The following KPNB1 variants were observed in gnomAD, a reference collection of about 807,000 sequenced individuals.
KPNB1 encodes the protein karyopherin subunit beta 1.
In KPNB1, 7 loss-of-function variants were observed where a neutral mutation model predicts 113.0. The observed-to-expected ratio is 0.06, with a 90% CI of 0.04 to 0.12. The LOEUF (loss-of-function observed/expected upper bound fraction) is 0.12, where lower values mean the gene tolerates loss of function less well. Ranked by LOEUF, KPNB1 falls within the 10% of genes least tolerant of loss-of-function variation. The pLI is 1.00. For synonymous variants in KPNB1, 363 were observed against 378.6 expected, an observed-to-expected ratio of 0.96 and a Z score of 0.48; for missense variants, 400 against 1,054.8, an observed-to-expected ratio of 0.38 and a Z score of 8.60.
At chr17:47,677,861 G>A (rs1452108804) in intron 17 of KPNB1, among the ~76,000 whole-genome samples, 185 bp from the exon 18 acceptor site, 1 of 152,192 alleles carries the variant, frequency 6.6e-6, no homozygotes, top group Non-Finnish European at 1.5e-5. Flanking sequence ...TGTAAAGTGG[G>A]AATACCAATA....
At chr17:47,650,478 G>C (rs566484054) in intron 2 of KPNB1, 34 bp downstream of exon 2, 1 of 1,583,792 alleles carries the variant, frequency 6.3e-7, no homozygotes, top group Admixed American at 1.8e-5. Context: ...ATCCCGCCGC[G>C]TCCCCATCCC....
intron 6 of KPNB1, 89 bp from the exon 7 acceptor site, chr17:47,663,000 C>G: frequency 1.3e-6 from 1 of 781,442 alleles, no homozygotes; most frequent in Non-Finnish European, 2.3e-6. Context: ...TCAATTAATC[C>G]TTAGGATTAT....
chr17:47,676,559 C>T, intron 16 of KPNB1, 68 bp downstream of exon 16: 1 of 1,211,390 alleles, frequency 8.3e-7, no homozygotes, highest in Non-Finnish European at 1.2e-6. Flanking sequence ...GCACGCAAAA[C>T]CAGGTTCTTA....
At chr17:47,680,857 T>C (rs2030750071) in intron 21 of KPNB1, among the ~76,000 whole-genome samples, 188 bp downstream of exon 21, 1 of 152,268 alleles carries the variant, frequency 6.6e-6, no homozygotes, top group African/African-American at 2.4e-5. Context: ...CTCATAGTGA[T>C]GGAGAGCAGA....
At chr17:47,667,946 T>C (rs2030340955) in intron 9 of KPNB1, among the ~76,000 whole-genome samples, 1 of 152,230 alleles carries the variant, frequency 6.6e-6, no homozygotes, top group African/African-American at 2.4e-5. Context: ...TCTTTTTGGA[T>C]GTAGTTGAAA....
At chr17:47,675,485 C>T (rs2030591678) in intron 15 of KPNB1, among the ~76,000 whole-genome samples, 1 of 150,126 alleles carries the variant, frequency 6.7e-6, no homozygotes, top group South Asian at 2.1e-4. Flanking sequence ...AAGCAATTCT[C>T]CTGCCTCAGC....
rs778014153 is a variant in KPNB1, at chr17:47,658,715, A to G, written c.636+55A>G. 3.4e-6 allele frequency: 5 copies of G among 1,484,950 alleles called. No homozygotes were observed. The South Asian group carries it at 6.1e-5, about 18-fold the overall frequency. The allele number at this position is 1,484,950 out of a possible 1,614,324, so 92.0% of individuals were successfully genotyped here. On this transcript the variant is annotated intron_variant, in intron 5 of 21. Coordinates refer to ENST00000290158, the MANE Select transcript of KPNB1 (RefSeq NM_002265.6). The stretch of plus-strand genomic sequence containing the variant: ...CAGACAGTAAGGGATGAAAGAGTTG[A>G]ATGAAAGTTTTTTGTTTTGTTTTCT...
chr17:47,680,457 A>C (rs748442335), intron 20 of KPNB1, 51 bp from the exon 21 acceptor site: 1 of 1,596,290 alleles, frequency 6.3e-7, no homozygotes, highest in Non-Finnish European at 8.5e-7. Context: ...TCAAAACATT[A>C]TACTGGTATG....
chr17:47,675,372 G>GTTTTTTTTTTTTT (rs755565036), intron 15 of KPNB1, among the ~76,000 whole-genome samples: 9 of 86,068 alleles, frequency 1.0e-4, no homozygotes, highest in Non-Finnish European at 1.3e-4. Context: ...TTTTTTTTTT[G>GTTTTTTTTTTTTT]TTTTTTTTTT....
chr17:47,663,033 C>T (rs772091875), intron 6 of KPNB1, 56 bp from the exon 7 acceptor site: 1 of 929,042 alleles, frequency 1.1e-6, no homozygotes, highest in Non-Finnish European at 1.8e-6. Flanking sequence ...GTGAATCTAA[C>T]TTTGTCAGAT....
At chr17:47,660,942 T>A (rs925723601) in intron 5 of KPNB1, among the ~76,000 whole-genome samples, 177 bp from the exon 6 acceptor site, 1 of 152,174 alleles carries the variant, frequency 6.6e-6, no homozygotes, top group Admixed American at 6.5e-5. Flanking sequence ...GAAGGTAAAC[T>A]CTTTATAGCC....
chr17:47,659,955 A>G (rs1256140180), intron 5 of KPNB1, among the ~76,000 whole-genome samples: 1 of 152,038 alleles, frequency 6.6e-6, no homozygotes, highest in East Asian at 1.9e-4. Flanking sequence ...ATATATGTAA[A>G]CATTTTGGCT....
intron 3 of KPNB1, among the ~76,000 whole-genome samples, chr17:47,656,191 G>A (rs753061586): frequency 3.9e-5 from 6 of 152,112 alleles, no homozygotes; most frequent in African/African-American, 7.2e-5. Flanking sequence ...CCCAGAAGGC[G>A]GAGGTTGCAG....
At position 47,650,374 on chromosome 17, in the gene KPNB1, T is replaced by A. The variant is rs778077628; in HGVS notation, c.41-12T>A. On this transcript the variant is annotated splice_polypyrimidine_tract_variant and intron_variant, in intron 1 of 21. Coordinates refer to ENST00000290158, the MANE Select transcript of KPNB1 (RefSeq NM_002265.6). ...TCTGACCCCGCTCCGTCTCCCACTT[T>A]CCTCCCCCTAGATCGGCTGGAGCTG... 3 of 1,611,186 alleles carry A rather than the reference T, an allele frequency of 1.9e-6. No individual in the cohort carries two copies. Among genetic ancestry groups the A allele is most frequent in the African/African-American group, 1.3e-5 (1 of 74,600 alleles).
At chr17:47,650,588 G>A (rs1317493673) in intron 2 of KPNB1, 144 bp downstream of exon 2, 2 of 630,864 alleles carry the variant, frequency 3.2e-6, no homozygotes, top group Non-Finnish European at 4.9e-6. Flanking sequence ...CCCCCAACCC[G>A]GTCCAACCTA....
chr17:47,666,559 TA>T (rs2030290631), intron 9 of KPNB1, among the ~76,000 whole-genome samples: 2 of 144,920 alleles, frequency 1.4e-5, no homozygotes, highest in Non-Finnish European at 3.0e-5. Flanking sequence ...TATATTATGT[TA>T]TATGTTATAT....
intron 5 of KPNB1, among the ~76,000 whole-genome samples, chr17:47,660,889 A>C (rs922817303): frequency 6.6e-6 from 1 of 152,198 alleles, no homozygotes; most frequent in Admixed American, 6.5e-5. Flanking sequence ...GGAGATTAAA[A>C]GATTAGGGAC....
chr17:47,666,778 C>T (rs2030301122), intron 9 of KPNB1, among the ~76,000 whole-genome samples: 1 of 151,718 alleles, frequency 6.6e-6, no homozygotes, highest in South Asian at 2.1e-4. Context: ...ACCACCACGC[C>T]TAGCTAATTT....
intron 2 of KPNB1, 114 bp downstream of exon 2, chr17:47,650,558 C>A (rs577028655): frequency 2.7e-6 from 2 of 754,274 alleles, no homozygotes; most frequent in Non-Finnish European, 2.2e-6. Flanking sequence ...CATCCCGTCC[C>A]CCTCCCCCCT....
Sources: gnomAD v4.1 joint callset for allele counts (sites outside exome capture counted in the v4.1 genomes callset) on GRCh38, gnomAD v4.1.1 for gene constraint, MANE v1.5 for transcripts, NCBI Gene and HGNC (gene_info 2026-07-23, HGNC 2026-07-21) for gene names.